The following GHR variants were observed in gnomAD, a reference collection of about 807,000 sequenced individuals.
GHR encodes the protein GH receptor.
In GHR, 35 loss-of-function variants were observed where a neutral mutation model predicts 67.1. The observed-to-expected ratio is 0.52, with a 90% CI of 0.40 to 0.69. The LOEUF (loss-of-function observed/expected upper bound fraction) is 0.69. Among genes scored for constraint, GHR ranks in the 30% least tolerant of loss-of-function variants. GHR has a pLI of 0.00. For missense variants in GHR, 792 were observed against 764.6 expected (o/e 1.04, Z -0.42); for synonymous variants, 272 against 269.1 (o/e 1.01, Z -0.10).
At chr5:42,671,894 T>C (rs1050278822) in intron 3 of GHR, among the ~76,000 whole-genome samples, 1 of 144,436 alleles carries the variant, frequency 6.9e-6, no homozygotes, top group Non-Finnish European at 1.5e-5. Flanking sequence ...AGGCGGAGCT[T>C]GCAGTGAGCC....
chr5:42,636,209 CAAAAAAAAA>C (rs11373491), intron 3 of GHR, among the ~76,000 whole-genome samples: 5 of 81,926 alleles, frequency 6.1e-5, no homozygotes, highest in South Asian at 4.9e-4. Flanking sequence ...GACCCCGTTT[CAAAAAAAAA>C]AAAAAAAAAA....
At position 42,587,239 on chromosome 5, in the gene GHR, G is replaced by A. The variant is rs534412048; in HGVS notation, c.70+21295G>A. On this transcript the variant is annotated intron_variant, in intron 2 of 9. Coordinates refer to ENST00000230882, the MANE Select transcript of GHR (RefSeq NM_000163.5). Reference sequence around the variant, plus strand: ...CATGAAGGCATTATGCTTTTCTGAGGACAGTATAAGGCTAGGATACTGCAG... The same window carrying A: ...CATGAAGGCATTATGCTTTTCTGAGAACAGTATAAGGCTAGGATACTGCAG... 3.3e-5 allele frequency among the ~76,000 whole-genome samples: 5 copies of A among 152,170 alleles called. No homozygotes were observed. The South Asian group carries it at 1.0e-3, about 32-fold the overall frequency.
chr5:42,573,045 A>C (rs531377293), intron 2 of GHR, among the ~76,000 whole-genome samples: 1 of 152,334 alleles, frequency 6.6e-6, no homozygotes, highest in East Asian at 1.9e-4. Flanking sequence ...CTGTGTAATA[A>C]AATGTTATAG....
chr5:42,578,393 T>C (rs974624892), intron 2 of GHR, among the ~76,000 whole-genome samples: 31 of 152,332 alleles, frequency 2.0e-4, no homozygotes, highest in African/African-American at 7.2e-4. Context: ...CATTTGTTAC[T>C]CATCTAAGAT....
chr5:42,638,140 C>T (rs905465778), intron 3 of GHR, among the ~76,000 whole-genome samples: 11 of 152,058 alleles, frequency 7.2e-5, no homozygotes, highest in Middle Eastern at 3.4e-3. Context: ...GGGATTTCAC[C>T]GTGTTGGTCA....
intron 1 of GHR, among the ~76,000 whole-genome samples, chr5:42,534,880 C>T (rs903002513): frequency 6.6e-6 from 1 of 152,010 alleles, no homozygotes; most frequent in African/African-American, 2.4e-5. Context: ...CATGGTATCA[C>T]ATTGTGGTTT....
chr5:42,661,305 G>C, intron 3 of GHR, among the ~76,000 whole-genome samples: 1 of 152,294 alleles, frequency 6.6e-6, no homozygotes. Flanking sequence ...ATAATTGTCA[G>C]ATTCACCAAA....
intron 3 of GHR, among the ~76,000 whole-genome samples, 175 bp downstream of exon 3, chr5:42,629,278 T>C (rs1225199574): frequency 7.6e-6 from 1 of 132,362 alleles, no homozygotes; most frequent in South Asian, 2.4e-4. Flanking sequence ...ACTTCTGATA[T>C]AGTTTGGATG....
At chr5:42,457,204 G>GT (rs1278698230) in intron 1 of GHR, among the ~76,000 whole-genome samples, 2 of 152,114 alleles carry the variant, frequency 1.3e-5, no homozygotes. Flanking sequence ...TGAGTGTGTG[G>GT]TTTTTTGGCA....
chr5:42,427,959 G>A (rs1742925362), intron 1 of GHR, among the ~76,000 whole-genome samples: 1 of 152,196 alleles, frequency 6.6e-6, no homozygotes, highest in South Asian at 2.1e-4. Context: ...CCAGGCACAT[G>A]GTGCTAACTG....
intron 2 of GHR, among the ~76,000 whole-genome samples, chr5:42,611,853 A>G (rs971189293): frequency 1.3e-5 from 2 of 151,990 alleles, no homozygotes; most frequent in African/African-American, 4.8e-5. Context: ...ATCTTTACTG[A>G]CTCATCATTG....
intron 1 of GHR, among the ~76,000 whole-genome samples, chr5:42,466,638 A>C (rs1744745596): frequency 6.6e-6 from 1 of 152,228 alleles, no homozygotes; most frequent in Non-Finnish European, 1.5e-5. Flanking sequence ...GCTACATTCC[A>C]TTTCAGAAAA....
intron 3 of GHR, among the ~76,000 whole-genome samples, chr5:42,684,663 C>A (rs906203440): frequency 2.0e-5 from 3 of 152,170 alleles, no homozygotes; most frequent in Non-Finnish European, 4.4e-5. Context: ...ATAGAGAGAG[C>A]TGCCCATCTG....
rs774163051 is a variant in GHR, at chr5:42,718,694, A to C, written c.1187A>C (p.Glu396Ala). ...AGCTGTTGTGAACCTGACATTCTGG[A>C]GACTGATTTCAATGCCAATGACATA... ...RTSCCEPDIL[E>A]TDFNANDIHE... The change falls in exon 10 of 10, where the codon GAG (glutamate) becomes GCG (alanine). Residue 396 changes from glutamate (E) to alanine (A), a missense_variant. By Grantham distance (107) the Glu-to-Ala change is moderately radical. Transcript: ENST00000230882. 3 of 1,614,100 alleles carry C rather than the reference A, an allele frequency of 1.9e-6. No individual in the cohort carries two copies. The African/African-American group carries it at 4.0e-5, about 22-fold the overall frequency.
Position 42,712,033 on chromosome 5 carries a change from TA to T in GHR, c.784+664del, listed in dbSNP as rs150801822. On this transcript the variant is annotated intron_variant, in intron 7 of 9. Transcript: ENST00000230882. ...GAATTAAAACTTTTAGATACAGAAA[TA>T]AAGAAAACTGATTAATGATGAGCAG... Among the ~76,000 whole-genome samples the T allele has an allele frequency of 4.4e-3, 669 of 152,168 alleles. 4 individuals carry two copies. Among genetic ancestry groups the T allele is most frequent in the African/African-American group, 0.016 (644 of 41,524 alleles).
intron 2 of GHR, among the ~76,000 whole-genome samples, chr5:42,611,718 G>C (rs9292854): frequency 0.23 from 35,379 of 152,004 alleles, 4,859 homozygotes; most frequent in African/African-American, 0.37. Flanking sequence ...TTTAGATAGA[G>C]CTATCAGGAA....
At chr5:42,698,470 G>A (rs1176968532) in intron 5 of GHR, among the ~76,000 whole-genome samples, 1 of 152,114 alleles carries the variant, frequency 6.6e-6, no homozygotes, top group Admixed American at 6.5e-5. Context: ...CATTATATCG[G>A]CATATGTAGT....
chr5:42,533,192 A>G (rs1210972794), intron 1 of GHR, among the ~76,000 whole-genome samples: 2 of 152,122 alleles, frequency 1.3e-5, no homozygotes, highest in Non-Finnish European at 2.9e-5. Flanking sequence ...AACATTAGGT[A>G]TACTTTTCAT....
At chr5:42,657,490 G>A (rs1263126095) in intron 3 of GHR, among the ~76,000 whole-genome samples, 1 of 152,172 alleles carries the variant, frequency 6.6e-6, no homozygotes, top group Non-Finnish European at 1.5e-5. Context: ...GAAAGAGAGA[G>A]AGGAAAATGT....
Sources: allele counts gnomAD v4.1 joint callset (sites outside exome capture counted in the v4.1 genomes callset), GRCh38; gene constraint gnomAD v4.1.1; transcripts MANE v1.5; gene names NCBI Gene and HGNC (gene_info 2026-07-23, HGNC 2026-07-21).